ABAT: variants seen among roughly 807,000 people sequenced by gnomAD.
ABAT encodes 4-aminobutyrate aminotransferase, mitochondrial.
In ABAT, 45 loss-of-function variants were observed where a neutral mutation model predicts 64.6. The observed-to-expected ratio is 0.70, with a 90% CI of 0.55 to 0.89. The LOEUF is 0.89. Among genes scored for constraint, ABAT ranks in the 40% least tolerant of loss-of-function variants. ABAT has a pLI of 0.00. For missense variants in ABAT, 633 were observed against 658.4 expected (o/e 0.96, Z 0.42); for synonymous variants, 297 against 250.5 (o/e 1.19, Z -1.75).
chr16:8,733,962 C>T (rs575927891), intron 1 of ABAT, among the ~76,000 whole-genome samples: 1 of 152,222 alleles, frequency 6.6e-6, no homozygotes. Flanking sequence ...CAGCATATAA[C>T]AGGATTTCCT....
chr16:8,739,985 G>A (rs1320812), intron 2 of ABAT, among the ~76,000 whole-genome samples: 18,568 of 151,376 alleles, frequency 0.12, 1,267 homozygotes, highest in South Asian at 0.19. Flanking sequence ...ACAGGAATAC[G>A]TGTACTCTCG....
intron 5 of ABAT, among the ~76,000 whole-genome samples, chr16:8,754,179 TAA>T (rs750745519): frequency 0.018 from 1,152 of 63,810 alleles, 52 homozygotes; most frequent in African/African-American, 0.06. Context: ...ACCCTGTCTA[TAA>T]AAAAAAAAAA....
At chr16:8,699,770 T>C (rs1241870090) in intron 1 of ABAT, among the ~76,000 whole-genome samples, 2 of 151,828 alleles carry the variant, frequency 1.3e-5, no homozygotes, top group African/African-American at 4.8e-5. Context: ...TTTGCCATGT[T>C]GCCCAGGCTG....
intron 8 of ABAT, among the ~76,000 whole-genome samples, chr16:8,765,328 C>T (rs890609895): frequency 2.1e-5 from 3 of 144,726 alleles, no homozygotes; most frequent in African/African-American, 8.0e-5. Context: ...AGAGTAAGAC[C>T]CTGTCTCAAA....
At chr16:8,709,255 C>T (rs1399192505) in intron 1 of ABAT, among the ~76,000 whole-genome samples, 1 of 151,404 alleles carries the variant, frequency 6.6e-6, no homozygotes, top group African/African-American at 2.4e-5. Context: ...CAACTTTTGC[C>T]TTTTTCCATG....
chr16:8,750,923 G>A (rs1462925650), intron 5 of ABAT, among the ~76,000 whole-genome samples: 3 of 151,128 alleles, frequency 2.0e-5, no homozygotes, highest in Admixed American at 6.6e-5. Flanking sequence ...AGCCTGAGGT[G>A]GGGATTTCCT....
At position 8,776,607 on chromosome 16, in the gene ABAT, G is replaced by A. The variant is rs922653588; in HGVS notation, c.1269+117G>A. On this transcript the variant is annotated intron_variant, in intron 14 of 15. Transcript: ENST00000268251. This position sits in a 1 kb window ranked among gnomAD's most constrained non-coding sequence, Gnocchi z 4.4. ...GCCTGCTGTTCCAGCAGTTCGTAAC[G>A]GGCTGTGCTGCTCCTAGCCTTGGGG... 1.2e-5 allele frequency: 13 copies of A among 1,121,892 alleles called. No homozygotes were observed. The highest frequency in any genetic ancestry group is 6.2e-5 in the African/African-American group (4 of 64,856). The allele number at this position is 1,121,892 out of a possible 1,614,324, so 69.5% of individuals were successfully genotyped here. A position where few individuals can be genotyped will look rare whatever the true frequency, so the allele number is the denominator to read the frequency against.
At chr16:8,700,464 C>T (rs1403174815) in intron 1 of ABAT, among the ~76,000 whole-genome samples, 3 of 152,132 alleles carry the variant, frequency 2.0e-5, no homozygotes, top group Non-Finnish European at 4.4e-5. Flanking sequence ...CCCTCATACC[C>T]CAGTGGGTAA....
intron 1 of ABAT, among the ~76,000 whole-genome samples, chr16:8,723,783 A>AG (rs1203774339): frequency 7.1e-6 from 1 of 141,130 alleles, no homozygotes; most frequent in Non-Finnish European, 1.5e-5. Flanking sequence ...TACCTAAGAT[A>AG]GGGCAGTGGT....
At chr16:8,729,411 C>G (rs2058653855) in intron 1 of ABAT, among the ~76,000 whole-genome samples, 1 of 152,210 alleles carries the variant, frequency 6.6e-6, no homozygotes, top group African/African-American at 2.4e-5. Flanking sequence ...AAGCCTATGA[C>G]TGAGGCCGAA....
intron 2 of ABAT, among the ~76,000 whole-genome samples, chr16:8,738,184 G>T (rs981750368): frequency 1.3e-5 from 2 of 151,638 alleles, no homozygotes; most frequent in Non-Finnish European, 2.9e-5. Flanking sequence ...AGCTGGGCAT[G>T]GTGACATGTG....
In ABAT at chr16:8,743,704, T is replaced by TATA. The variant is rs1555489377; in HGVS notation, c.71-2296_71-2294dup. Among the ~76,000 whole-genome samples the TATA allele has an allele frequency of 5.3e-3, 770 of 145,652 alleles. 13 individuals are homozygous for TATA. Among genetic ancestry groups the TATA allele is most frequent in the African/African-American group, 0.018 (723 of 39,880 alleles). On this transcript the variant is annotated intron_variant, in intron 2 of 15. Transcript: ENST00000268251. Reference sequence around the variant, plus strand: ...TTTTAGTTATAATATATATTTTAGTTATATATGTAGTTATATAATATATAT... The same window carrying TATA: ...TTTTAGTTATAATATATATTTTAGTTATAATATATGTAGTTATATAATATATAT...
In ABAT at chr16:8,772,945, G is replaced by C. The variant is rs774439297; in HGVS notation, c.954+28G>C. On this transcript the variant is annotated intron_variant, in intron 12 of 15. Transcript: ENST00000268251. ...CAGTGGACAGGGCCGAGGTTGGATG[G>C]AGCCATTGGGTTTTCTGGGTTGAGT... is the stretch of plus-strand genomic sequence containing the variant. The C allele has an allele frequency of 7.4e-6, 12 of 1,612,424 alleles. No individual in the cohort carries two copies. In the African/African-American group the frequency reaches 1.3e-4, roughly 18 times the overall value.
chr16:8,724,169 C>G (rs2058467009), intron 1 of ABAT, among the ~76,000 whole-genome samples: 1 of 151,916 alleles, frequency 6.6e-6, no homozygotes, highest in Non-Finnish European at 1.5e-5. Context: ...AACCCAGGCT[C>G]AAATACCACC....
intron 1 of ABAT, among the ~76,000 whole-genome samples, chr16:8,678,506 C>G (rs143220283): frequency 6.6e-5 from 10 of 152,206 alleles, no homozygotes; most frequent in Non-Finnish European, 1.5e-4. Context: ...GACCATCACC[C>G]GCTTCTCCAC....
intron 1 of ABAT, among the ~76,000 whole-genome samples, chr16:8,679,244 G>A (rs2057275058): frequency 6.6e-6 from 1 of 152,288 alleles, no homozygotes; most frequent in East Asian, 1.9e-4. Flanking sequence ...TGAGAGACTT[G>A]CTAACACCAG....
At chr16:8,771,257 T>G (rs1046593202) in intron 11 of ABAT, among the ~76,000 whole-genome samples, 19 of 151,296 alleles carry the variant, frequency 1.3e-4, no homozygotes, top group African/African-American at 4.6e-4. Flanking sequence ...ATTGCGCTAT[T>G]GCACTCCAGC....
chr16:8,707,856 C>T (rs964439169), intron 1 of ABAT, among the ~76,000 whole-genome samples: 19 of 152,166 alleles, frequency 1.2e-4, no homozygotes, highest in African/African-American at 4.6e-4. Flanking sequence ...AGGAGTGAGC[C>T]ACTGCACCCG....
chr16:8,764,644 G>C lies in ABAT; in HGVS notation c.448-94G>C. On this transcript the variant is annotated intron_variant, in intron 7 of 15. Transcript: ENST00000268251. The surrounding 1 kb of genome is among the most constrained non-coding windows in gnomAD (Gnocchi z 4.2). ...ACAGCCCTGGTTCTGTCTGTCCCCG[G>C]TACGGCCCCTGCGAAGATTCAGCTC... 8.3e-7 allele frequency: 1 copy of C among 1,204,448 alleles called. No individual in the cohort carries two copies. The highest frequency in any genetic ancestry group is 2.1e-4 in the Middle Eastern group (1 of 4,828). 74.6% of individuals were successfully genotyped at this position (1,204,448 alleles called of 1,614,324 possible). A position where few individuals can be genotyped will look rare whatever the true frequency, so the allele number is the denominator to read the frequency against.
Sources: allele counts gnomAD v4.1 joint callset (sites outside exome capture counted in the v4.1 genomes callset), GRCh38; gene constraint gnomAD v4.1.1; non-coding constraint Gnocchi (gnomAD v3.1); transcripts MANE v1.5; gene names NCBI Gene and HGNC (gene_info 2026-07-23, HGNC 2026-07-21).